DLG2: variants seen among roughly 807,000 people sequenced by gnomAD.
The protein encoded by DLG2 is discs large MAGUK scaffold protein 2.
A neutral mutation model predicts 132.5 loss-of-function variants in DLG2; 45 were observed. The observed-to-expected ratio is 0.34, with a 90% confidence interval of 0.27 to 0.44. DLG2 has a LOEUF of 0.44. Ranked by LOEUF, DLG2 falls within the 20% of genes least tolerant of loss-of-function variation. The pLI is 1.00. For synonymous variants in DLG2, 424 were observed against 419.6 expected (o/e 1.01, Z -0.13); for missense variants, 1,045 against 1,196.9 (o/e 0.87, Z 1.87).
At chr11:85,422,211 C>G (rs2090371326) in intron 3 of DLG2, among the ~76,000 whole-genome samples, 1 of 152,138 alleles carries the variant, frequency 6.6e-6, no homozygotes, top group Admixed American at 6.5e-5. Flanking sequence ...TTTGTGCTTA[C>G]CTGTATTTGG....
At chr11:85,385,409 G>A (rs573443467) in intron 3 of DLG2, among the ~76,000 whole-genome samples, 1 of 152,116 alleles carries the variant, frequency 6.6e-6, no homozygotes, top group Non-Finnish European at 1.5e-5. Flanking sequence ...GAGTAGGGAA[G>A]TTATTTCTTC....
At chr11:84,065,424 T>A (rs948074606) in intron 10 of DLG2, among the ~76,000 whole-genome samples, 3 of 152,144 alleles carry the variant, frequency 2.0e-5, no homozygotes, top group African/African-American at 7.2e-5. Context: ...CAGACACTTT[T>A]CAAAAGAAGA....
chr11:83,772,822 G>A (rs1833461390), intron 18 of DLG2, among the ~76,000 whole-genome samples: 2 of 151,872 alleles, frequency 1.3e-5, no homozygotes, highest in South Asian at 4.1e-4. Flanking sequence ...ATTCCTCTAT[G>A]GTCTTAGTTT....
intron 19 of DLG2, among the ~76,000 whole-genome samples, chr11:83,542,560 A>AT (rs1475401991): frequency 6.6e-6 from 1 of 152,212 alleles, no homozygotes; most frequent in Admixed American, 6.5e-5. Flanking sequence ...TTACCTCATC[A>AT]TGGCACTTAT....
intron 7 of DLG2, among the ~76,000 whole-genome samples, chr11:84,357,348 T>C (rs560285959): frequency 3.4e-4 from 51 of 152,006 alleles, no homozygotes; most frequent in Non-Finnish European, 4.7e-4. Context: ...GGCACACAGA[T>C]GTTTTGACTC....
chr11:85,033,547 T>C (rs1398309629), intron 6 of DLG2, among the ~76,000 whole-genome samples: 1 of 152,186 alleles, frequency 6.6e-6, no homozygotes, highest in Non-Finnish European at 1.5e-5. Flanking sequence ...TAGTATTGCT[T>C]GTATTTTTGT....
At chr11:84,130,003 G>A (rs1249484889) in intron 9 of DLG2, among the ~76,000 whole-genome samples, 3 of 152,020 alleles carry the variant, frequency 2.0e-5, no homozygotes, top group African/African-American at 7.2e-5. Flanking sequence ...ACAATATTTA[G>A]TACTATACCA....
chr11:84,982,440 C>T (rs2055890882), intron 6 of DLG2, among the ~76,000 whole-genome samples: 1 of 152,186 alleles, frequency 6.6e-6, no homozygotes, highest in East Asian at 1.9e-4. Flanking sequence ...CACATGTTCT[C>T]CTCCTTAAAA....
chr11:85,615,756 TG>T (rs1279029539), intron 2 of DLG2, among the ~76,000 whole-genome samples: 1 of 152,142 alleles, frequency 6.6e-6, no homozygotes, highest in Non-Finnish European at 1.5e-5. Context: ...TGTTATAACC[TG>T]TTTTTTTTAA....
At chr11:85,321,293 A>G (rs1189354528) in intron 3 of DLG2, among the ~76,000 whole-genome samples, 9 of 151,978 alleles carry the variant, frequency 5.9e-5, no homozygotes, top group Non-Finnish European at 1.2e-4. Context: ...GAAGTTGAGT[A>G]TCAAGGGCTT....
chr11:84,339,824 A>G (rs1306936225), intron 7 of DLG2, among the ~76,000 whole-genome samples: 2 of 152,332 alleles, frequency 1.3e-5, no homozygotes, highest in Admixed American at 6.5e-5. Context: ...GAAGATTACA[A>G]GCTAGATTTT....
At chr11:84,036,162 C>T (rs981647426) in intron 11 of DLG2, among the ~76,000 whole-genome samples, 11 of 151,766 alleles carry the variant, frequency 7.2e-5, no homozygotes, top group East Asian at 3.9e-4. Flanking sequence ...TAGAGAAATA[C>T]GGAGGTACCA....
At chr11:84,793,628 G>A (rs535824053) in intron 6 of DLG2, among the ~76,000 whole-genome samples, 15 of 152,270 alleles carry the variant, frequency 9.9e-5, no homozygotes, top group Non-Finnish European at 2.1e-4. Context: ...TCCTCTTGCT[G>A]TACGGACCCC....
intron 6 of DLG2, among the ~76,000 whole-genome samples, chr11:84,771,391 T>C (rs2069361459): frequency 6.6e-6 from 1 of 152,150 alleles, no homozygotes; most frequent in Non-Finnish European, 1.5e-5. Flanking sequence ...CTTTTTTTCA[T>C]ATGCTTTTTG....
intron 7 of DLG2, among the ~76,000 whole-genome samples, chr11:84,401,014 A>G (rs1239553770): frequency 3.9e-5 from 6 of 152,104 alleles, no homozygotes; most frequent in Admixed American, 3.9e-4. Context: ...AGCACATAAC[A>G]TGTATCAAAC....
At chr11:83,879,039 T>TA (rs2065470191) in intron 15 of DLG2, among the ~76,000 whole-genome samples, 1 of 152,160 alleles carries the variant, frequency 6.6e-6, no homozygotes, top group African/African-American at 2.4e-5. Flanking sequence ...AACTGTTGCC[T>TA]AAAAAATGAA....
Position 84,592,253 on chromosome 11 carries a change from G to C in DLG2, c.358-57522C>G, listed in dbSNP as rs1192121716. On this transcript the variant is annotated intron_variant, in intron 6 of 27. Coordinates refer to ENST00000376104, the MANE Select transcript of DLG2 (RefSeq NM_001142699.3). The stretch of plus-strand genomic sequence containing the variant: ...GGTTCAATTACTTATGGGGACATTT[G>C]TGAGTATTGTTGAAAGTATATGATG... Among the ~76,000 whole-genome samples, 3 of 152,194 alleles carry C rather than the reference G, an allele frequency of 2.0e-5. No individual in the cohort carries two copies. The East Asian group carries it at 5.8e-4, about 29-fold the overall frequency.
intron 3 of DLG2, among the ~76,000 whole-genome samples, chr11:85,427,161 G>A (rs1405023029): frequency 1.3e-5 from 2 of 152,220 alleles, no homozygotes; most frequent in Non-Finnish European, 1.5e-5. Flanking sequence ...TGGTGTACCT[G>A]AAAGTGAAAG....
intron 7 of DLG2, among the ~76,000 whole-genome samples, chr11:84,439,338 C>T (rs1382292079): frequency 6.6e-6 from 1 of 152,102 alleles, no homozygotes; most frequent in Non-Finnish European, 1.5e-5. Flanking sequence ...TGATATTGAA[C>T]AGAAATCTCG....
Sources: allele counts gnomAD v4.1 joint callset (sites outside exome capture counted in the v4.1 genomes callset), GRCh38; gene constraint gnomAD v4.1.1; transcripts MANE v1.5; gene names NCBI Gene and HGNC (gene_info 2026-07-23, HGNC 2026-07-21).